The following NLGN1 variants were observed in gnomAD, a reference collection of about 807,000 sequenced individuals.
NLGN1 encodes the protein neuroligin-1.
A neutral mutation model predicts 65.5 loss-of-function variants in NLGN1; 12 were observed. That is an observed-to-expected ratio of 0.18 (90% CI 0.12 to 0.30). The LOEUF (loss-of-function observed/expected upper bound fraction) is 0.30, where lower values mean the gene tolerates loss of function less well. NLGN1 is among the 10% of genes least tolerant of loss of function. NLGN1 has a pLI of 1.00. For missense variants in NLGN1, 750 were observed against 1,007.1 expected (o/e 0.74, Z 3.46); for synonymous variants, 350 against 359.5 (o/e 0.97, Z 0.30).
chr3:173,951,246 C>T (rs1047221490), intron 4 of NLGN1, among the ~76,000 whole-genome samples: 1 of 152,076 alleles, frequency 6.6e-6, no homozygotes, highest in Admixed American at 6.5e-5. Flanking sequence ...AGAAAATTTT[C>T]TTTGGAAAAT....
chr3:173,859,854 A>C (rs1465113191), intron 4 of NLGN1, among the ~76,000 whole-genome samples: 1 of 152,096 alleles, frequency 6.6e-6, no homozygotes, highest in East Asian at 1.9e-4. Flanking sequence ...TAAATTTTAA[A>C]AGTTTGGGTA....
At chr3:174,289,277 G>A (rs747637825), downstream of NLGN1, among the ~76,000 whole-genome samples, 45 of 151,336 alleles carry the variant, frequency 3.0e-4, no homozygotes, top group Admixed American at 5.3e-4. Flanking sequence ...ACTTGTTGAT[G>A]TGCTTATTCA....
At chr3:173,838,407 A>G (rs1018744183) in intron 4 of NLGN1, among the ~76,000 whole-genome samples, 5 of 152,276 alleles carry the variant, frequency 3.3e-5, no homozygotes, top group South Asian at 2.1e-4. Flanking sequence ...CTAGGAAATT[A>G]ACATTGAACC....
At chr3:174,056,795 A>G (rs1209087065) in intron 4 of NLGN1, among the ~76,000 whole-genome samples, 1 of 152,060 alleles carries the variant, frequency 6.6e-6, no homozygotes, top group Non-Finnish European at 1.5e-5. Flanking sequence ...AAGCCTTGTC[A>G]CTTATTACGG....
At chr3:173,811,566 CAAA>C (rs768913259) in intron 4 of NLGN1, among the ~76,000 whole-genome samples, 1 of 46,422 alleles carries the variant, frequency 2.2e-5, no homozygotes. Flanking sequence ...AACTCCGTCT[CAAA>C]AAAAAAAAAA....
intron 4 of NLGN1, among the ~76,000 whole-genome samples, chr3:174,120,352 A>C (rs565700784): frequency 1.3e-5 from 2 of 151,820 alleles, no homozygotes; most frequent in East Asian, 3.9e-4. Context: ...AATAAAAAAA[A>C]AAAAATTAGC....
chr3:173,616,501 G>A (rs1030007533), intron 3 of NLGN1, among the ~76,000 whole-genome samples: 3 of 152,084 alleles, frequency 2.0e-5, no homozygotes, highest in African/African-American at 7.2e-5. Flanking sequence ...TCAGTTTTAT[G>A]TTCTGAATAA....
At chr3:173,490,735 G>A (rs1213499679) in intron 2 of NLGN1, among the ~76,000 whole-genome samples, 1 of 152,144 alleles carries the variant, frequency 6.6e-6, no homozygotes, top group African/African-American at 2.4e-5. Context: ...AGCATGGGAT[G>A]TTCTTCCATT....
intron 4 of NLGN1, among the ~76,000 whole-genome samples, chr3:173,958,580 G>A (rs1323634486): frequency 6.6e-6 from 1 of 152,144 alleles, no homozygotes; most frequent in Admixed American, 6.5e-5. Flanking sequence ...CTTCAGAGGG[G>A]AGGAAGGGTG....
Position 174,264,948 on chromosome 3 carries a change from G to A in NLGN1, c.647-10367G>A, listed in dbSNP as rs546454532. On this transcript the variant is annotated intron_variant, in intron 4 of 6. Transcript: ENST00000457714. Reference sequence around the variant, plus strand: ...TCTGTTGGAATACCCTGCTGTGTGAGGTGTCAGTGTGCCCCTGCTGGGGGG... The same window carrying A: ...TCTGTTGGAATACCCTGCTGTGTGAAGTGTCAGTGTGCCCCTGCTGGGGGG... 7.2e-5 allele frequency among the ~76,000 whole-genome samples: 11 copies of A among 152,266 alleles called. No individual in the cohort carries two copies. The South Asian group carries it at 1.9e-3, about 26-fold the overall frequency.
At chr3:173,878,746 G>C (rs572059624) in intron 4 of NLGN1, among the ~76,000 whole-genome samples, 1 of 151,550 alleles carries the variant, frequency 6.6e-6, no homozygotes, top group South Asian at 2.1e-4. Context: ...CTGTGCTTCA[G>C]GCTCTGTGTA....
chr3:173,761,444 G>A (rs1204307873), intron 3 of NLGN1, among the ~76,000 whole-genome samples: 2 of 152,046 alleles, frequency 1.3e-5, no homozygotes, highest in African/African-American at 4.8e-5. Context: ...GGGAGCCAGT[G>A]TCCACAATCA....
At chr3:173,907,858 T>C (rs1738766263) in intron 4 of NLGN1, among the ~76,000 whole-genome samples, 1 of 151,980 alleles carries the variant, frequency 6.6e-6, no homozygotes, top group Non-Finnish European at 1.5e-5. Context: ...GTGCTGGGAT[T>C]ACAGGTGTGA....
chr3:173,511,991 A>G (rs959375789), intron 2 of NLGN1, among the ~76,000 whole-genome samples: 6 of 152,114 alleles, frequency 3.9e-5, no homozygotes, highest in Non-Finnish European at 8.8e-5. Context: ...CACCCACTCA[A>G]CCCCTCATGG....
chr3:173,718,555 C>G (rs1770269863), intron 3 of NLGN1, among the ~76,000 whole-genome samples: 1 of 152,170 alleles, frequency 6.6e-6, no homozygotes, highest in East Asian at 1.9e-4. Context: ...AAATTATAAT[C>G]CTTAGAAGGT....
chr3:173,649,159 T>A (rs1303403232), intron 3 of NLGN1, among the ~76,000 whole-genome samples: 1 of 152,184 alleles, frequency 6.6e-6, no homozygotes, highest in Non-Finnish European at 1.5e-5. Flanking sequence ...ATATACTGGA[T>A]AATTCCATTA....
intron 4 of NLGN1, among the ~76,000 whole-genome samples, chr3:174,194,516 A>G (rs1457014199): frequency 6.6e-6 from 1 of 151,944 alleles, no homozygotes; most frequent in Non-Finnish European, 1.5e-5. Context: ...ATCCACCTAT[A>G]TACACTTCTA....
At chr3:174,091,767 A>G (rs1744564576) in intron 4 of NLGN1, among the ~76,000 whole-genome samples, 1 of 152,236 alleles carries the variant, frequency 6.6e-6, no homozygotes. Context: ...CAAGTTAAAT[A>G]AATGGTTATG....
chr3:174,091,020 T>G (rs570299358), intron 4 of NLGN1, among the ~76,000 whole-genome samples: 1 of 152,344 alleles, frequency 6.6e-6, no homozygotes, highest in South Asian at 2.1e-4. Flanking sequence ...CATCAGTTCT[T>G]GCAGCTGAAG....
Sources: allele counts gnomAD v4.1 joint callset (sites outside exome capture counted in the v4.1 genomes callset), GRCh38; gene constraint gnomAD v4.1.1; transcripts MANE v1.5; gene names NCBI Gene and HGNC (gene_info 2026-07-23, HGNC 2026-07-21).